Variants in RFTN1 observed in about 807,000 individuals in gnomAD.
RFTN1 encodes the protein raftlin.
A neutral mutation model predicts 46.5 loss-of-function variants in RFTN1; 26 were observed. That is an observed-to-expected ratio of 0.56 (90% CI 0.41 to 0.78). The LOEUF (loss-of-function observed/expected upper bound fraction) is 0.78. RFTN1 is among the 30% of genes least tolerant of loss of function. The pLI, the probability that RFTN1 is intolerant of heterozygous loss-of-function variation, is 0.00. For missense variants in RFTN1, 693 were observed against 718.7 expected (o/e 0.96, Z 0.41); for synonymous variants, 261 against 284.2 (o/e 0.92, Z 0.82).
rs2070901023 is a variant in RFTN1 at position 16,336,855 on chromosome 3, T to TA, written c.1147-9980dup. Among the ~76,000 whole-genome samples the TA allele has an allele frequency of 6.6e-6, 1 of 152,042 alleles. No individual in the cohort carries two copies. The highest frequency in any genetic ancestry group is 2.1e-4 in the South Asian group (1 of 4,804). On this transcript the variant is annotated intron_variant, in intron 7 of 9. Transcript: ENST00000334133. The surrounding 1 kb of genome is among the most constrained non-coding windows in gnomAD (Gnocchi z 6.0). ...GTAGCCTTTTAGGAGCTCAACGAAA[T>TA]AAAAAATAATAATTGTTATTATTAC...
chr3:16,347,812 ATAT>A (rs1334435699), intron 7 of RFTN1: 1 of 152,254 alleles, frequency 6.6e-6, no homozygotes, highest in African/African-American at 2.4e-5. Context: ...TTGCAATGTA[ATAT>A]TCCTCAATGG....
intron 5 of RFTN1, among the ~76,000 whole-genome samples, chr3:16,377,090 T>G (rs1392078867): frequency 6.6e-6 from 1 of 152,024 alleles, no homozygotes; most frequent in Non-Finnish European, 1.5e-5. Context: ...GTTGATTTCC[T>G]GAAGAAAGTA....
rs1436429647 is a variant in RFTN1 at position 16,468,644 on chromosome 3, A to G, written c.145+25081T>C. ...CCAGCGTTTGAGTAAAAAAAAAAAAAAAAAAAACTTTACTCAGAAAAAAGA... is the reference window on the plus strand; with the variant it reads ...CCAGCGTTTGAGTAAAAAAAAAAAAGAAAAAAACTTTACTCAGAAAAAAGA... On this transcript the variant is annotated intron_variant, in intron 2 of 9. Coordinates refer to ENST00000334133, the MANE Select transcript of RFTN1 (RefSeq NM_015150.2). The surrounding 1 kb of genome is among the most constrained non-coding windows in gnomAD (Gnocchi z 4.4). Among the ~76,000 whole-genome samples the G allele has an allele frequency of 6.6e-6, 1 of 152,090 alleles. No individual in the cohort carries two copies. The highest frequency in any genetic ancestry group is 6.5e-5 in the Admixed American group (1 of 15,274).
intron 4 of RFTN1, among the ~76,000 whole-genome samples, chr3:16,394,921 A>G (rs1356033973): frequency 1.3e-5 from 2 of 152,206 alleles, no homozygotes; most frequent in Non-Finnish European, 2.9e-5. Flanking sequence ...AATTTGGAAG[A>G]AAGTAAATAG....
At chr3:16,434,380 ACAAAC>A (rs1243847012) in intron 2 of RFTN1, among the ~76,000 whole-genome samples, 11 of 143,804 alleles carry the variant, frequency 7.6e-5, no homozygotes, top group African/African-American at 2.8e-4. Context: ...AAACAAACAA[ACAAAC>A]AAACAAACAA....
intron 1 of RFTN1, among the ~76,000 whole-genome samples, chr3:16,496,695 C>T (rs2076631327): frequency 6.6e-6 from 1 of 152,138 alleles, no homozygotes; most frequent in African/African-American, 2.4e-5. Context: ...GAACGCATGC[C>T]TATCCTGTGA....
At chr3:16,343,695 CA>C (rs1287803276) in intron 7 of RFTN1, among the ~76,000 whole-genome samples, 2 of 152,262 alleles carry the variant, frequency 1.3e-5, no homozygotes, top group Admixed American at 1.3e-4. Context: ...TCATATTATC[CA>C]ATTATTTATT....
chr3:16,503,707 T>C (rs2076752037), intron 1 of RFTN1, among the ~76,000 whole-genome samples: 1 of 152,174 alleles, frequency 6.6e-6, no homozygotes, highest in African/African-American at 2.4e-5. Context: ...CTTGAATCTC[T>C]TTCTACCTCA....
intron 2 of RFTN1, chr3:16,472,543 G>A (rs2124951497): frequency 6.6e-6 from 1 of 152,382 alleles, no homozygotes; most frequent in African/African-American, 2.4e-5. Flanking sequence ...AGGGGTGCAG[G>A]AACTTCTGAC....
intron 1 of RFTN1, among the ~76,000 whole-genome samples, chr3:16,502,601 C>G (rs2076730472): frequency 6.6e-6 from 1 of 152,200 alleles, no homozygotes; most frequent in Non-Finnish European, 1.5e-5. Flanking sequence ...TTCTACCTCG[C>G]TCTCCTAGAT....
At chr3:16,431,614 A>G (rs2075390330) in intron 3 of RFTN1, among the ~76,000 whole-genome samples, 2 of 152,158 alleles carry the variant, frequency 1.3e-5, no homozygotes, top group Non-Finnish European at 2.9e-5. Context: ...ATCTGACCCA[A>G]ATGGACTTGT....
At position 16,484,869 on chromosome 3, in the gene RFTN1, C is replaced by A. The variant is rs866564242; in HGVS notation, c.145+8856G>T. On this transcript the variant is annotated intron_variant, in intron 2 of 9. Transcript: ENST00000334133. This position sits in a 1 kb window ranked among gnomAD's most constrained non-coding sequence, Gnocchi z 4.6. ...AAACTCAATATCTCAATTTATTCTTCTATACCGTGGGGGTGACTCCACCTA... is the reference window on the plus strand; with the variant it reads ...AAACTCAATATCTCAATTTATTCTTATATACCGTGGGGGTGACTCCACCTA... 6.6e-6 allele frequency: 1 copy of A among 152,232 alleles called. No individual in the cohort carries two copies. The allele number at this position is 152,232 out of a possible 1,614,324, so 9.4% of individuals were successfully genotyped here.
chr3:16,509,174 G>A lies in RFTN1; in HGVS notation c.-9+4268C>T, dbSNP rs952134291. On this transcript the variant is annotated intron_variant, in intron 1 of 9. Coordinates refer to ENST00000334133, the MANE Select transcript of RFTN1 (RefSeq NM_015150.2). The surrounding 1 kb of genome is among the most constrained non-coding windows in gnomAD (Gnocchi z 4.9). Reference sequence around the variant, plus strand: ...CCCCTGGCTGTGCCAAACTCAGTAAGCTTAAGACAAAATGAAAACAAACAA... The same window carrying A: ...CCCCTGGCTGTGCCAAACTCAGTAAACTTAAGACAAAATGAAAACAAACAA... 1.4e-4 allele frequency among the ~76,000 whole-genome samples: 21 copies of A among 152,146 alleles called. No homozygotes were observed. Among genetic ancestry groups the A allele is most frequent in the Middle Eastern group, 6.8e-3 (2 of 294 alleles).
chr3:16,504,518 T>G lies in RFTN1; in HGVS notation c.-9+8924A>C, dbSNP rs2076768509. On this transcript the variant is annotated intron_variant, in intron 1 of 9. Transcript: ENST00000334133. The surrounding 1 kb of genome is among the most constrained non-coding windows in gnomAD (Gnocchi z 4.4). Reference sequence around the variant, plus strand: ...GTGGTATCTGACAGATGTTAAGTATTGCTGCATTTCCCTCAAAGATGTGAA... The same window carrying G: ...GTGGTATCTGACAGATGTTAAGTATGGCTGCATTTCCCTCAAAGATGTGAA... Among the ~76,000 whole-genome samples, 1 of 152,238 alleles carries G rather than the reference T, an allele frequency of 6.6e-6. No individual in the cohort carries two copies. The highest frequency in any genetic ancestry group is 6.5e-5 in the Admixed American group (1 of 15,290).
At chr3:16,502,902 C>T (rs1304531726) in intron 1 of RFTN1, among the ~76,000 whole-genome samples, 2 of 152,208 alleles carry the variant, frequency 1.3e-5, no homozygotes, top group Non-Finnish European at 2.9e-5. Context: ...AATTTACCAC[C>T]CATCAATAGA....
In RFTN1 at chr3:16,384,522, G is replaced by C. The variant is rs963711500; in HGVS notation, c.442-6420C>G. On this transcript the variant is annotated intron_variant, in intron 4 of 9. Coordinates refer to ENST00000334133, the MANE Select transcript of RFTN1 (RefSeq NM_015150.2). The surrounding 1 kb of genome is among the most constrained non-coding windows in gnomAD (Gnocchi z 4.7). ...GGCTTTCAGCCATCACTGTTGCCCA[G>C]GTAAAGGAAATTTCCCCCATTGTGC... is the stretch of plus-strand genomic sequence containing the variant. Among the ~76,000 whole-genome samples, 4 of 152,290 alleles carry C rather than the reference G, an allele frequency of 2.6e-5. No homozygotes were observed. The South Asian group carries it at 6.2e-4, about 24-fold the overall frequency.
Position 16,383,096 on chromosome 3 carries a change from C to T in RFTN1, c.442-4994G>A, listed in dbSNP as rs2074050351. Among the ~76,000 whole-genome samples the T allele has an allele frequency of 1.3e-5, 2 of 152,186 alleles. No homozygotes were observed. The highest frequency in any genetic ancestry group is 4.1e-4 in the South Asian group (2 of 4,828). On this transcript the variant is annotated intron_variant, in intron 4 of 9. Coordinates refer to ENST00000334133, the MANE Select transcript of RFTN1 (RefSeq NM_015150.2). This position sits in a 1 kb window ranked among gnomAD's most constrained non-coding sequence, Gnocchi z 4.0. ...TTACAGAAGAGAAAACTGCTTAAGA[C>T]ATTCTGTGACTGGTCAAACCTCACA...
chr3:16,416,097 G>T, intron 3 of RFTN1: 1 of 356,434 alleles, frequency 2.8e-6, no homozygotes, highest in South Asian at 2.1e-5. Context: ...TTACATCTTG[G>T]GACCCCCCAC....
Position 16,489,140 on chromosome 3 carries a change from G to C in RFTN1, c.145+4585C>G, listed in dbSNP as rs367847405. Among the ~76,000 whole-genome samples the C allele has an allele frequency of 6.6e-6, 1 of 152,118 alleles. No homozygotes were observed. The stretch of plus-strand genomic sequence containing the variant: ...GGAAATAAAATCAGTGATGGAGGCC[G>C]GGTGAGGTGGCTCACACCTGTAATC... On this transcript the variant is annotated intron_variant, in intron 2 of 9. Coordinates refer to ENST00000334133, the MANE Select transcript of RFTN1 (RefSeq NM_015150.2). This position sits in a 1 kb window ranked among gnomAD's most constrained non-coding sequence, Gnocchi z 4.0.
Sources: allele counts gnomAD v4.1 joint callset (sites outside exome capture counted in the v4.1 genomes callset), GRCh38; gene constraint gnomAD v4.1.1; non-coding constraint Gnocchi (gnomAD v3.1); transcripts MANE v1.5; gene names NCBI Gene and HGNC (gene_info 2026-07-23, HGNC 2026-07-21).